The following DAB1 variants were observed in gnomAD, a reference collection of about 807,000 sequenced individuals.
DAB1 encodes the protein disabled homolog 1.
Under a neutral mutation model 64.6 loss-of-function variants are expected in DAB1, and 15 were observed. The observed-to-expected ratio is 0.23, with a 90% CI of 0.16 to 0.36. The LOEUF is 0.36. DAB1 is among the 10% of genes least tolerant of loss of function. The probability of loss-of-function intolerance (pLI) is 1.00; values close to 1 mark genes in which losing one functional copy is unlikely to be tolerated. For missense variants in DAB1, 596 were observed against 706.7 expected (o/e 0.84, Z 1.78); for synonymous variants, 235 against 251.9 (o/e 0.93, Z 0.64).
chr1:57,954,016 C>T (rs1396781813), intron 5 of DAB1, among the ~76,000 whole-genome samples: 1 of 152,128 alleles, frequency 6.6e-6, no homozygotes, highest in East Asian at 1.9e-4. Flanking sequence ...TTCTCTAAAG[C>T]CCCCTTAGAA....
chr1:57,678,245 A>G (rs1037995623), intron 6 of DAB1, among the ~76,000 whole-genome samples: 2 of 152,218 alleles, frequency 1.3e-5, no homozygotes, highest in African/African-American at 2.4e-5. Context: ...ACAAGTGCCC[A>G]TATTGTGAGA....
At chr1:58,472,361 C>A (rs1645368617) in intron 3 of DAB1, among the ~76,000 whole-genome samples, 1 of 152,206 alleles carries the variant, frequency 6.6e-6, no homozygotes, top group Non-Finnish European at 1.5e-5. Flanking sequence ...GATGTGGCCT[C>A]CCCTTGTCCT....
Position 58,375,117 on chromosome 1 carries a change from C to T in DAB1, n.258-31714G>A, listed in dbSNP as rs1049104194. 4.3e-4 allele frequency among the ~76,000 whole-genome samples: 64 copies of T among 148,442 alleles called. 2 individuals carry two copies. Among genetic ancestry groups the T allele is most frequent in the African/African-American group, 1.4e-3 (57 of 39,550 alleles). On this transcript the variant is annotated intron_variant and non_coding_transcript_variant, in intron 3 of 20. Transcript: ENST00000485760. ...GGGTTTTCTAGATAAACAATCATGTCGTCTGCAAACAGGGACAATTTGACT... is the reference window on the plus strand; with the variant it reads ...GGGTTTTCTAGATAAACAATCATGTTGTCTGCAAACAGGGACAATTTGACT...
chr1:57,758,628 C>T lies in DAB1; in HGVS notation n.552-108963G>A, dbSNP rs143567285. ...AGTCCAGTGGATTCATCATGTTCAC[C>T]GGCTTCTATCATATTTTTTCATATT... On this transcript the variant is annotated intron_variant and non_coding_transcript_variant, in intron 6 of 20. Transcript: ENST00000485760. Among the ~76,000 whole-genome samples, 211 of 152,202 alleles carry T rather than the reference C, an allele frequency of 1.4e-3. 1 individual carries two copies. The highest frequency in any genetic ancestry group is 4.9e-3 in the African/African-American group (204 of 41,518).
chr1:57,836,645 C>A (rs979065613), intron 1 of DAB1, among the ~76,000 whole-genome samples: 1 of 152,202 alleles, frequency 6.6e-6, no homozygotes, highest in African/African-American at 2.4e-5. Flanking sequence ...CATTCGGCAT[C>A]CGCCATCTCT....
At chr1:57,645,978 A>G (rs566181066) in intron 7 of DAB1, among the ~76,000 whole-genome samples, 2 of 152,326 alleles carry the variant, frequency 1.3e-5, no homozygotes, top group Non-Finnish European at 2.9e-5. Flanking sequence ...AAGTAGATGG[A>G]ATCTGAGGAA....
intron 5 of DAB1, among the ~76,000 whole-genome samples, chr1:57,979,707 A>C (rs1646015529): frequency 6.6e-6 from 1 of 152,324 alleles, no homozygotes; most frequent in East Asian, 1.9e-4. Context: ...CTTGCTATCT[A>C]CATTATGTTA....
chr1:57,239,118 C>T lies in DAB1; in HGVS notation c.67+51846G>A, dbSNP rs116128228. On this transcript the variant is annotated intron_variant, in intron 2 of 14. Transcript: ENST00000371236. ...CCATTAAGCTCATTGCCCTTGTGAC[C>T]CTTGAGCACAGCCAGTCTTTTGGCC... 9.1e-3 allele frequency among the ~76,000 whole-genome samples: 1,389 copies of T among 152,214 alleles called. 16 individuals are homozygous for T. The highest frequency in any genetic ancestry group is 0.02 in the Middle Eastern group (6 of 294).
At chr1:58,087,724 A>G (rs1650404470) in intron 5 of DAB1, among the ~76,000 whole-genome samples, 1 of 136,394 alleles carries the variant, frequency 7.3e-6, no homozygotes, top group South Asian at 2.6e-4. Context: ...AAAAAGTTAG[A>G]TGGGAAAAGA....
rs116875693 is a variant in DAB1 at position 58,328,080 on chromosome 1, C to T, written n.309+15272G>A. ...AGCCCTGATGGTCAATGCTTACTCC[C>T]GAGCACCCGCTATTTTGGCCAAGGA... On this transcript the variant is annotated intron_variant and non_coding_transcript_variant, in intron 4 of 20. Transcript: ENST00000485760. 1.7e-3 allele frequency among the ~76,000 whole-genome samples: 266 copies of T among 152,294 alleles called. 2 individuals carry two copies. The highest frequency in any genetic ancestry group is 0.015 in the East Asian group (76 of 5,170).
intron 2 of DAB1, among the ~76,000 whole-genome samples, chr1:57,161,833 C>T (rs1439859292): frequency 3.3e-5 from 5 of 150,456 alleles, no homozygotes; most frequent in Non-Finnish European, 4.4e-5. Flanking sequence ...TGCATACACA[C>T]GCAAACACCC....
At chr1:57,994,949 C>A (rs1419234) in intron 5 of DAB1, among the ~76,000 whole-genome samples, 147,707 of 152,216 alleles carry the variant, frequency 0.97, 71,819 homozygotes, top group East Asian at 1. Context: ...CCATTGGCAC[C>A]TGGAGAGAGG....
At chr1:58,423,257 T>A (rs958479408) in intron 3 of DAB1, among the ~76,000 whole-genome samples, 4 of 152,192 alleles carry the variant, frequency 2.6e-5, no homozygotes, top group Non-Finnish European at 5.9e-5. Context: ...CTTGACTACA[T>A]CCCAGTCTTA....
chr1:58,143,090 C>T (rs1654377955), intron 5 of DAB1, among the ~76,000 whole-genome samples: 2 of 152,052 alleles, frequency 1.3e-5, no homozygotes, highest in Non-Finnish European at 2.9e-5. Flanking sequence ...TCAGTAGGCC[C>T]TCCAGAAGAT....
chr1:57,392,337 A>G (rs748616277), intron 1 of DAB1, among the ~76,000 whole-genome samples: 10 of 152,204 alleles, frequency 6.6e-5, no homozygotes. Flanking sequence ...GTGCCACTGC[A>G]CTTCAGCCTG....
At chr1:57,497,387 C>A (rs1261164514) in intron 7 of DAB1, among the ~76,000 whole-genome samples, 1 of 152,196 alleles carries the variant, frequency 6.6e-6, no homozygotes, top group African/African-American at 2.4e-5. Context: ...TGAGTGCTCA[C>A]TGAGAACATT....
At chr1:58,226,892 C>T (rs1381634564) in intron 4 of DAB1, among the ~76,000 whole-genome samples, 1 of 152,152 alleles carries the variant, frequency 6.6e-6, no homozygotes, top group Non-Finnish European at 1.5e-5. Context: ...CAGTGTCCAC[C>T]AATGTCTTCC....
intron 1 of DAB1, among the ~76,000 whole-genome samples, chr1:57,297,504 G>T (rs1673297142): frequency 6.6e-6 from 1 of 151,672 alleles, no homozygotes; most frequent in African/African-American, 2.4e-5. Flanking sequence ...ACATGTATGT[G>T]TATGCATATA....
In DAB1 at chr1:57,072,962, G is replaced by T. The variant is rs928639118; in HGVS notation, c.307-548C>A. ...CAAAGTCACCACTGGGGGTAGAGGC[G>T]GGGCTATGCATATCTCAGGCTTTTC... is the stretch of plus-strand genomic sequence containing the variant. On this transcript the variant is annotated intron_variant, in intron 4 of 14. Transcript: ENST00000371236. Among the ~76,000 whole-genome samples, 4 of 152,162 alleles carry T rather than the reference G, an allele frequency of 2.6e-5. No homozygotes were observed. The East Asian group carries it at 5.8e-4, about 22-fold the overall frequency.
Sources: gnomAD v4.1 joint callset for allele counts (sites outside exome capture counted in the v4.1 genomes callset) on GRCh38, gnomAD v4.1.1 for gene constraint, MANE v1.5 for transcripts, NCBI Gene and HGNC (gene_info 2026-07-23, HGNC 2026-07-21) for gene names.